Variants in FAM124A observed in about 807,000 individuals in gnomAD.
FAM124A encodes the protein protein FAM124A.
Under a neutral mutation model 24.5 loss-of-function variants are expected in FAM124A, and 23 were observed. The observed-to-expected ratio is 0.94, with a 90% CI of 0.68 to 1.33. FAM124A has a LOEUF of 1.33. Ranked by LOEUF, FAM124A falls within the 40% of genes most tolerant of loss-of-function variation. The pLI, the probability that FAM124A is intolerant of heterozygous loss-of-function variation, is 0.00. For synonymous variants in FAM124A, 287 were observed against 314.7 expected (o/e 0.91, Z 0.93); for missense variants, 623 against 722.8 (o/e 0.86, Z 1.58).
chr13:51,228,863 A>C (rs1954343790), intron 1 of FAM124A, among the ~76,000 whole-genome samples: 1 of 152,264 alleles, frequency 6.6e-6, no homozygotes, highest in East Asian at 1.9e-4. Context: ...AGGAAAAGAA[A>C]ATAAATATAA....
At chr13:51,231,240 A>G (rs983674172) in intron 1 of FAM124A, 108 bp from the exon 2 acceptor site, 27 of 1,210,922 alleles carry the variant, frequency 2.2e-5, no homozygotes, top group Non-Finnish European at 3.3e-5. Context: ...TTAATTGGTG[A>G]CATTTCTTTA....
At chr13:51,259,953 G>T (rs1355126979) in intron 3 of FAM124A, among the ~76,000 whole-genome samples, 1 of 152,106 alleles carries the variant, frequency 6.6e-6, no homozygotes, top group African/African-American at 2.4e-5. Flanking sequence ...GAGGCTGAGG[G>T]AGCAGTGGAG....
intron 3 of FAM124A, among the ~76,000 whole-genome samples, chr13:51,274,677 G>T (rs1691232738): frequency 3.9e-5 from 6 of 151,950 alleles, no homozygotes; most frequent in Admixed American, 3.3e-4. Flanking sequence ...ACACATATAA[G>T]TACCTTAAAA....
At chr13:51,235,163 T>A (rs186733867) in intron 2 of FAM124A, among the ~76,000 whole-genome samples, 199 of 152,316 alleles carry the variant, frequency 1.3e-3, no homozygotes, top group African/African-American at 4.7e-3. Flanking sequence ...ATTTTTATTT[T>A]TTTCAATGTT....
chr13:51,240,893 C>CTTT (rs1954483999), intron 2 of FAM124A, among the ~76,000 whole-genome samples: 1 of 152,212 alleles, frequency 6.6e-6, no homozygotes, highest in Non-Finnish European at 1.5e-5. Flanking sequence ...TCTCAGAACG[C>CTTT]TTCTGGCACA....
rs780427047 is a variant in FAM124A at position 51,251,802 on chromosome 13, C to T, written c.435C>T (p.Pro145=). 6.3e-7 allele frequency: 1 copy of T among 1,595,932 alleles called. No homozygotes were observed. The highest frequency in any genetic ancestry group is 1.3e-5 in the African/African-American group (1 of 74,616). The change falls in exon 3 of 4, where the codon CCC becomes CCT. Residue 145 remains proline (P), a synonymous_variant. Transcript: ENST00000322475. The surrounding 1 kb of genome is among the most constrained non-coding windows in gnomAD (Gnocchi z 5.3). Reference sequence around the variant, plus strand: ...ACGGCCGGTTCCTGCCCTACCTGCCCTGCAGCCAGGACTTCTTCACGCTGG... The same window carrying T: ...ACGGCCGGTTCCTGCCCTACCTGCCTTGCAGCCAGGACTTCTTCACGCTGG... ...QVHGRFLPYL[P]CSQDFFTLAP... is the part of the protein sequence containing the mutation.
intron 3 of FAM124A, 152 bp downstream of exon 3, chr13:51,252,353 T>C: frequency 9.6e-7 from 1 of 1,042,250 alleles, no homozygotes; most frequent in Non-Finnish European, 1.3e-6. Flanking sequence ...AAAGTGGCCA[T>C]ACAGGATCCC....
At chr13:51,268,411 A>G (rs899391367) in intron 3 of FAM124A, among the ~76,000 whole-genome samples, 5 of 152,238 alleles carry the variant, frequency 3.3e-5, no homozygotes, top group Admixed American at 1.3e-4. Context: ...AAAAACAAAA[A>G]CAAAAAGCGT....
At chr13:51,228,768 G>C (rs1465424346) in intron 1 of FAM124A, among the ~76,000 whole-genome samples, 2 of 152,078 alleles carry the variant, frequency 1.3e-5, no homozygotes, top group Non-Finnish European at 2.9e-5. Flanking sequence ...ATAAGCTTTT[G>C]AGGTTATTTG....
chr13:51,283,787 A>AG lies in FAM124A; in HGVS notation c.*2531_*2532insG, dbSNP rs1194502308. ...TGAGGCAAAAAAAAAAAAAAAAAAA[A>AG]AAAAAAAAGGCTAATGGCCGAGGGC... On this transcript the variant is annotated 3_prime_UTR_variant, in exon 4 of 4. Transcript: ENST00000322475. The AG allele has an allele frequency of 1.4e-5, 2 of 147,506 alleles. No homozygotes were observed. 9.1% of individuals were successfully genotyped at this position (147,506 alleles called of 1,614,324 possible). A position where few individuals can be genotyped will look rare whatever the true frequency, so the allele number is the denominator to read the frequency against.
intron 2 of FAM124A, among the ~76,000 whole-genome samples, chr13:51,246,758 C>T (rs570212567): frequency 4.3e-4 from 66 of 152,358 alleles, no homozygotes; most frequent in Non-Finnish European, 7.5e-4. Flanking sequence ...AACATTCACT[C>T]ATCCATGCAG....
At chr13:51,254,520 G>T (rs372310311) in intron 3 of FAM124A, among the ~76,000 whole-genome samples, 1 of 152,136 alleles carries the variant, frequency 6.6e-6, no homozygotes, top group South Asian at 2.1e-4. Flanking sequence ...TCTTGGCATT[G>T]CCTGATTCAT....
At chr13:51,279,117 A>G (rs1490976006) in intron 3 of FAM124A, among the ~76,000 whole-genome samples, 2 of 152,208 alleles carry the variant, frequency 1.3e-5, no homozygotes, top group Non-Finnish European at 2.9e-5. Flanking sequence ...AAAAAATAAG[A>G]TAGACATTTG....
chr13:51,280,691 G>T lies in FAM124A; in HGVS notation c.1076G>T (p.Arg359Ile). The T allele has an allele frequency of 6.2e-7, 1 of 1,614,160 alleles. No individual in the cohort carries two copies. The highest frequency in any genetic ancestry group is 8.5e-7 in the Non-Finnish European group (1 of 1,180,032). Residue 359 changes from arginine (R) to isoleucine (I), a missense_variant, in exon 4 of 4, where the codon AGA (arginine) becomes ATA (isoleucine). Coordinates refer to ENST00000322475, the MANE Select transcript of FAM124A (RefSeq NM_001242312.2). The stretch of plus-strand genomic sequence containing the variant: ...CCCAACCCTCCCTGGTCTTTCCAGA[G>T]AAGCAAGTCCTTGTTTTGTTTGCCC... ...STPNPPWSFQ[R>I]SKSLFCLPTG...
chr13:51,280,903 G>C lies in FAM124A; in HGVS notation c.1288G>C (p.Ala430Pro), dbSNP rs749683400. ...LSSSDLSVVS[A>P]YSAPSRFCST... ...CTCATCGGACCTGTCTGTGGTCTCT[G>C]CATATTCTGCACCCAGTAGGTTCTG... The change falls in exon 4 of 4, where the codon GCA (alanine) becomes CCA (proline). Residue 430 changes from alanine (A) to proline (P), a missense_variant. Ala to Pro is a conservative substitution (Grantham distance 27). Transcript: ENST00000322475. 4 of 1,614,022 alleles carry C rather than the reference G, an allele frequency of 2.5e-6. No individual in the cohort carries two copies. Among genetic ancestry groups the C allele is most frequent in the Non-Finnish European group, 3.4e-6 (4 of 1,180,036 alleles).
chr13:51,238,606 A>G (rs1207615314), intron 2 of FAM124A, among the ~76,000 whole-genome samples: 53 of 152,186 alleles, frequency 3.5e-4, no homozygotes, highest in Admixed American at 3.5e-3. Context: ...CCTTATGAAG[A>G]GGGTAGAGGT....
chr13:51,227,947 G>T (rs190502871), intron 1 of FAM124A, among the ~76,000 whole-genome samples: 8 of 152,198 alleles, frequency 5.3e-5, no homozygotes, highest in Non-Finnish European at 8.8e-5. Flanking sequence ...TTTTAAATGG[G>T]ATAGGTCTTT....
At chr13:51,245,131 A>C (rs58955860) in intron 2 of FAM124A, among the ~76,000 whole-genome samples, 21 of 152,190 alleles carry the variant, frequency 1.4e-4, no homozygotes, top group Non-Finnish European at 2.9e-4. Context: ...CTGCCACAAA[A>C]TACTTAGGGT....
At chr13:51,223,918 C>T (rs1274537031) in intron 1 of FAM124A, among the ~76,000 whole-genome samples, 1 of 152,136 alleles carries the variant, frequency 6.6e-6, no homozygotes, top group African/African-American at 2.4e-5. Flanking sequence ...TTTGTAACTG[C>T]GTTAAATAAA....
Sources: gnomAD v4.1 joint callset for allele counts (sites outside exome capture counted in the v4.1 genomes callset) on GRCh38, gnomAD v4.1.1 for gene constraint, Gnocchi (gnomAD v3.1) non-coding constraint, MANE v1.5 for transcripts, NCBI Gene and HGNC (gene_info 2026-07-23, HGNC 2026-07-21) for gene names.